ELN: variants seen among roughly 807,000 people sequenced by gnomAD.
ELN encodes the protein elastin.
ELN carries 65 observed loss-of-function variants against 105.8 expected under a neutral mutation model. The ratio of observed to expected loss-of-function variants is 0.61; its 90% confidence interval spans 0.50 to 0.75. The LOEUF is 0.75. Ranked by LOEUF, ELN falls within the 30% of genes least tolerant of loss-of-function variation. The pLI is 0.00. For synonymous variants in ELN, 368 were observed against 389.2 expected (o/e 0.95, Z 0.64); for missense variants, 882 against 969.4 (o/e 0.91, Z 1.20).
chr7:74,052,045 T>G (rs1794174343), intron 17 of ELN, 62 bp downstream of exon 17: 10 of 1,594,742 alleles, frequency 6.3e-6, no homozygotes, highest in Non-Finnish European at 8.6e-6. Context: ...TCGGAGACCC[T>G]AGCCGCAAAG....
chr7:74,064,278 G>A (rs1422837399), intron 29 of ELN, among the ~76,000 whole-genome samples: 36 of 151,928 alleles, frequency 2.4e-4, no homozygotes, highest in East Asian at 1.4e-3. Context: ...AGCTGGGCGT[G>A]GTGGCAGACG....
chr7:74,036,497 G>T (rs972627878), intron 2 of ELN, 58 bp from the exon 3 acceptor site: 64 of 1,609,920 alleles, frequency 4.0e-5, no homozygotes, highest in Non-Finnish European at 5.0e-5. Flanking sequence ...GGGGGTGGCA[G>T]CGGGCTTGCC....
At chr7:74,039,689 C>T (rs1790742789) in intron 4 of ELN, among the ~76,000 whole-genome samples, 1 of 152,270 alleles carries the variant, frequency 6.6e-6, no homozygotes. Flanking sequence ...CTGAGAGGGG[C>T]ACGGGCATGG....
At chr7:74,039,712 T>A (rs1790747587) in intron 4 of ELN, among the ~76,000 whole-genome samples, 1 of 152,108 alleles carries the variant, frequency 6.6e-6, no homozygotes, top group Admixed American at 6.6e-5. Flanking sequence ...AAGAAGGAAC[T>A]GGGAGCACCC....
chr7:74,048,051 C>G (rs28763984), intron 13 of ELN, 91 bp from the exon 14 acceptor site: 14 of 1,519,458 alleles, frequency 9.2e-6, no homozygotes, highest in East Asian at 4.5e-5. Context: ...AGACTCAGGA[C>G]AGCTTGGGCC....
At chr7:74,060,114 A>C (rs782646974) in intron 23 of ELN, 26 bp from the exon 24 acceptor site, 18 of 1,614,002 alleles carry the variant, frequency 1.1e-5, no homozygotes, top group Non-Finnish European at 1.5e-5. Context: ...CTCCATCTCT[A>C]ATCCCCCTCT....
intron 2 of ELN, 113 bp downstream of exon 2, chr7:74,035,527 G>T (rs1554665070): frequency 3.1e-6 from 4 of 1,282,684 alleles, no homozygotes; most frequent in Non-Finnish European, 4.5e-6. Context: ...CCTACCAGAA[G>T]TCACACCCAC....
chr7:74,064,553 T>C, intron 29 of ELN, among the ~76,000 whole-genome samples: 1 of 151,716 alleles, frequency 6.6e-6, no homozygotes, highest in South Asian at 2.1e-4. Context: ...GAGGCAGAAG[T>C]TGCAGTGAGC....
At chr7:74,038,569 G>A (rs1554666928) in intron 4 of ELN, among the ~76,000 whole-genome samples, 1 of 152,258 alleles carries the variant, frequency 6.6e-6, no homozygotes, top group African/African-American at 2.4e-5. Context: ...GGAAGGTGGG[G>A]CAGGTCCCTC....
At chr7:74,058,987 G>A (rs782221632) in intron 22 of ELN, among the ~76,000 whole-genome samples, 2 of 151,924 alleles carry the variant, frequency 1.3e-5, no homozygotes, top group Non-Finnish European at 2.9e-5. Flanking sequence ...CAGTGATGCC[G>A]TCAGCTCGCC....
Position 74,053,229 on chromosome 7 carries a change from C to T in ELN, c.1016C>T (p.Ala339Val), listed in dbSNP as rs1270308006. The change falls in exon 18 of 33, where the codon GCT becomes GTT. Residue 339 changes from alanine (A) to valine (V), a missense_variant. Transcript: ENST00000252034. ...CCGGGAGTAGTTGGTGTCCCAGGAG[C>T]TGGCGTTCCAGGTGTTGGTGTCCCA... ...FGPGVVGVPG[A>V]GVPGVGVPGA... 6.2e-7 allele frequency: 1 copy of T among 1,613,974 alleles called. No individual in the cohort carries two copies. The highest frequency in any genetic ancestry group is 8.5e-7 in the Non-Finnish European group (1 of 1,180,034).
At chr7:74,036,746 G>A (rs1790044393) in intron 3 of ELN, among the ~76,000 whole-genome samples, 162 bp downstream of exon 3, 1 of 152,214 alleles carries the variant, frequency 6.6e-6, no homozygotes, top group Non-Finnish European at 1.5e-5. Flanking sequence ...TTGAGAACCA[G>A]AACCCATTGG....
intron 8 of ELN, 117 bp from the exon 9 acceptor site, chr7:74,043,762 T>G (rs1412521521): frequency 2.9e-6 from 4 of 1,367,804 alleles, no homozygotes; most frequent in Non-Finnish European, 4.1e-6. Context: ...TGGCTGCCCC[T>G]GTCGGGCACA....
chr7:74,054,951 G>A (rs1794919014), intron 19 of ELN, among the ~76,000 whole-genome samples, 182 bp downstream of exon 19: 1 of 152,266 alleles, frequency 6.6e-6, no homozygotes, highest in African/African-American at 2.4e-5. Context: ...CCATGGGGCT[G>A]AGTGGCGGGA....
At chr7:74,033,436 C>T (rs1402309498) in intron 1 of ELN, among the ~76,000 whole-genome samples, 5 of 152,254 alleles carry the variant, frequency 3.3e-5, no homozygotes, top group East Asian at 1.9e-4. Flanking sequence ...ATCAGAGGCC[C>T]GAGGCGGGCC....
At chr7:74,043,742 C>T (rs1030013147) in intron 8 of ELN, 137 bp from the exon 9 acceptor site, 11 of 1,123,690 alleles carry the variant, frequency 9.8e-6, no homozygotes, top group Admixed American at 4.0e-5. Context: ...GGCCACCCCA[C>T]GTCTGTCCCT....
At position 74,069,364 on chromosome 7, in the gene ELN, G is replaced by A. The variant is rs952638605; in HGVS notation, c.*664G>A. Reference sequence around the variant, plus strand: ...CATCCGTCCATTCATCCATCGGTCCGTCCATCCATGTCCCCAGTTGACCGC... The same window carrying A: ...CATCCGTCCATTCATCCATCGGTCCATCCATCCATGTCCCCAGTTGACCGC... On this transcript the variant is annotated 3_prime_UTR_variant, in exon 33 of 33. Coordinates refer to ENST00000252034, the MANE Select transcript of ELN (RefSeq NM_000501.4). 5.9e-5 allele frequency: 14 copies of A among 236,040 alleles called. No homozygotes were observed. The highest frequency in any genetic ancestry group is 2.4e-4 in the East Asian group (4 of 16,634). The allele number at this position is 236,040 out of a possible 1,614,324, so 14.6% of individuals were successfully genotyped here.
rs1554686515 is a variant in ELN at position 74,063,376 on chromosome 7, A to G, written c.1918+7A>G. On this transcript the variant is annotated splice_region_variant and intron_variant, in intron 28 of 32. Transcript: ENST00000252034. This position sits in a 1 kb window ranked among gnomAD's most constrained non-coding sequence, Gnocchi z 4.1. ...GCCAAAGCCGCCCAGTTTGGTGAGC[A>G]CTGGGTGGAGGTGGGAGCTGCCGCC... The G allele has an allele frequency of 1.3e-6, 2 of 1,545,544 alleles. No homozygotes were observed. Among genetic ancestry groups the G allele is most frequent in the African/African-American group, 1.4e-5 (1 of 73,104 alleles).
At chr7:74,058,622 C>T (rs1795913824) in intron 22 of ELN, among the ~76,000 whole-genome samples, 2 of 152,206 alleles carry the variant, frequency 1.3e-5, no homozygotes, top group South Asian at 4.1e-4. Context: ...TCCCAAAGTC[C>T]TGGGATTACA....
Sources: allele counts gnomAD v4.1 joint callset (sites outside exome capture counted in the v4.1 genomes callset), GRCh38; gene constraint gnomAD v4.1.1; non-coding constraint Gnocchi (gnomAD v3.1); transcripts MANE v1.5; gene names NCBI Gene and HGNC (gene_info 2026-07-23, HGNC 2026-07-21).